Variants in ADAMTS17 observed in about 807,000 individuals in gnomAD.
The protein encoded by ADAMTS17 is A disintegrin and metalloproteinase with thrombospondin motifs 17.
A neutral mutation model predicts 141.5 loss-of-function variants in ADAMTS17; 113 were observed. That is an observed-to-expected ratio of 0.80 (90% CI 0.69 to 0.93). The LOEUF is 0.93. Ranked by LOEUF, ADAMTS17 falls within the 40% of genes least tolerant of loss-of-function variation. The pLI is 0.00. For missense variants in ADAMTS17, 1,659 were observed against 1,517.9 expected (o/e 1.09, Z -1.54); for synonymous variants, 768 against 630.6 (o/e 1.22, Z -3.27).
intron 8 of ADAMTS17, among the ~76,000 whole-genome samples, chr15:100,166,974 G>A (rs2039974358): frequency 1.3e-5 from 2 of 152,244 alleles, no homozygotes; most frequent in Admixed American, 6.5e-5. Context: ...CTAGGCCAGT[G>A]CTGTTCAATA....
At chr15:100,340,874 G>T (rs897194017) in intron 2 of ADAMTS17, 165 bp downstream of exon 2, 3 of 1,127,614 alleles carry the variant, frequency 2.7e-6, no homozygotes, top group African/African-American at 1.6e-5. Flanking sequence ...AGAGGGTACC[G>T]AAGGCCGGGG....
At chr15:100,207,974 C>G (rs187025040) in intron 7 of ADAMTS17, among the ~76,000 whole-genome samples, 2 of 152,276 alleles carry the variant, frequency 1.3e-5, no homozygotes, top group Admixed American at 1.3e-4. Flanking sequence ...TTAAAAGACT[C>G]TTATAAAAGT....
chr15:100,340,920 C>T (rs2046344394), intron 2 of ADAMTS17, 119 bp downstream of exon 2: 6 of 1,442,786 alleles, frequency 4.2e-6, no homozygotes, highest in Non-Finnish European at 3.7e-6. Flanking sequence ...CAGGGGGTTC[C>T]CTCCGGTTCC....
rs1311741008 is a variant in ADAMTS17 at position 100,054,038 on chromosome 15, AC to A, written c.2153del (p.Gly718ValfsTer11). 1.2e-6 allele frequency: 2 copies of A among 1,613,994 alleles called. No homozygotes were observed. The highest frequency in any genetic ancestry group is 1.3e-5 in the African/African-American group (1 of 74,904). Reference protein sequence around the residue: ...HARGTALKDSGKGSINSDWKI... With the variant: ...HARGTALKDSXKGSINSDWKI... ...TCCAGTCACTGTTGATGGACCCCTT[AC>A]CCGAGTCTTTGAGAGCTAGAAAGCA... On this transcript the variant is annotated frameshift_variant, in exon 16 of 22. Coordinates refer to ENST00000268070, the MANE Select transcript of ADAMTS17 (RefSeq NM_139057.4). LOFTEE classifies it high-confidence loss of function.
At chr15:100,265,243 T>G (rs1463226432) in intron 4 of ADAMTS17, among the ~76,000 whole-genome samples, 1 of 152,112 alleles carries the variant, frequency 6.6e-6, no homozygotes, top group East Asian at 1.9e-4. Flanking sequence ...GCGAGCCAGG[T>G]GACAATCCGA....
At chr15:100,263,933 A>G (rs1567452463) in intron 4 of ADAMTS17, among the ~76,000 whole-genome samples, 1 of 152,226 alleles carries the variant, frequency 6.6e-6, no homozygotes, top group Non-Finnish European at 1.5e-5. Context: ...GAGCCGCTCA[A>G]CACGGCTGCA....
intron 3 of ADAMTS17, among the ~76,000 whole-genome samples, chr15:100,296,606 T>C (rs1425737395): frequency 6.6e-6 from 1 of 151,348 alleles, no homozygotes; most frequent in Non-Finnish European, 1.5e-5. Flanking sequence ...TGTGTGTGTA[T>C]GTGTGTGTGT....
At chr15:100,254,592 G>T (rs930717590) in intron 6 of ADAMTS17, among the ~76,000 whole-genome samples, 3 of 152,160 alleles carry the variant, frequency 2.0e-5, no homozygotes, top group African/African-American at 7.2e-5. Context: ...ATGCTGTAAT[G>T]ACCATGTATT....
Position 99,974,142 on chromosome 15 carries a change from G to A in ADAMTS17, c.*260C>T, listed in dbSNP as rs747343009. 139 of 537,382 alleles carry A rather than the reference G, an allele frequency of 2.6e-4. No individual in the cohort carries two copies. Among genetic ancestry groups the A allele is most frequent in the Non-Finnish European group, 3.5e-4 (104 of 297,492 alleles). The allele number at this position is 537,382 out of a possible 1,614,324, so 33.3% of individuals were successfully genotyped here. A position where few individuals can be genotyped will look rare whatever the true frequency, so the allele number is the denominator to read the frequency against. On this transcript the variant is annotated 3_prime_UTR_variant, in exon 22 of 22. Coordinates refer to ENST00000268070, the MANE Select transcript of ADAMTS17 (RefSeq NM_139057.4). ...TTGTCTGCCAGAGGTGCTTCCCTTC[G>A]AGGTACCTGAAATCCTAGAAATTGA...
At chr15:100,113,760 G>T (rs1233860852) in intron 13 of ADAMTS17, among the ~76,000 whole-genome samples, 5 of 152,206 alleles carry the variant, frequency 3.3e-5, no homozygotes, top group Non-Finnish European at 7.3e-5. Flanking sequence ...AGCTGGCTTG[G>T]CGGAGCTGTC....
chr15:99,979,204 C>T (rs1170492565), intron 20 of ADAMTS17: 1 of 152,114 alleles, frequency 6.6e-6, no homozygotes, highest in African/African-American at 2.4e-5. Flanking sequence ...GCCTGGCCAA[C>T]ATAGTGAAAC....
chr15:100,062,200 T>C lies in ADAMTS17; in HGVS notation c.2138-8146A>G, dbSNP rs549702598. 1.4e-4 allele frequency among the ~76,000 whole-genome samples: 21 copies of C among 152,240 alleles called. No homozygotes were observed. The East Asian group carries it at 3.3e-3, about 24-fold the overall frequency. On this transcript the variant is annotated intron_variant, in intron 15 of 21. Coordinates refer to ENST00000268070, the MANE Select transcript of ADAMTS17 (RefSeq NM_139057.4). ...GGGAGGTGAAAAACCATGGGGCTGA[T>C]GAAAATGCACATGGATGTCAACTCC... is the stretch of plus-strand genomic sequence containing the variant.
At chr15:100,240,607 C>T (rs558243411) in intron 7 of ADAMTS17, among the ~76,000 whole-genome samples, 42 of 152,180 alleles carry the variant, frequency 2.8e-4, no homozygotes, top group Non-Finnish European at 5.1e-4. Context: ...ATGACAAACT[C>T]AAGTAATGAG....
At chr15:100,135,065 C>A (rs144194389) in intron 10 of ADAMTS17, among the ~76,000 whole-genome samples, 248 of 152,078 alleles carry the variant, frequency 1.6e-3, no homozygotes, top group African/African-American at 5.7e-3. Flanking sequence ...GGGACAGGAG[C>A]GGTTGGGATT....
chr15:100,063,183 A>G (rs905063609), intron 15 of ADAMTS17, among the ~76,000 whole-genome samples: 1 of 152,160 alleles, frequency 6.6e-6, no homozygotes, highest in African/African-American at 2.4e-5. Context: ...GGCCACTAGG[A>G]ATTTGGGATA....
intron 7 of ADAMTS17, among the ~76,000 whole-genome samples, chr15:100,201,532 C>G (rs1034408547): frequency 6.6e-6 from 1 of 152,208 alleles, no homozygotes; most frequent in Admixed American, 6.5e-5. Flanking sequence ...CTTCCTCATC[C>G]GCTCCAAAAG....
intron 4 of ADAMTS17, among the ~76,000 whole-genome samples, chr15:100,263,076 G>A (rs994815422): frequency 8.5e-5 from 13 of 152,130 alleles, no homozygotes; most frequent in African/African-American, 1.9e-4. Flanking sequence ...AAAAAACCAC[G>A]CATACGAAAG....
At chr15:100,233,126 C>G (rs1268385155) in intron 7 of ADAMTS17, among the ~76,000 whole-genome samples, 2 of 152,232 alleles carry the variant, frequency 1.3e-5, no homozygotes, top group South Asian at 2.1e-4. Context: ...GTCAGGAGCT[C>G]CAGACTAGTC....
rs758118412 is a variant in ADAMTS17 at position 100,096,458 on chromosome 15, T to C, written c.2035A>G (p.Ile679Val). Reference sequence around the variant, plus strand: ...TCCTCTTTGGCTGCAGACCCGATGATGCCGTCACAGCCGATTTTCTAAAGA... The same window carrying C: ...TCCTCTTTGGCTGCAGACCCGATGACGCCGTCACAGCCGATTTTCTAAAGA... The part of the protein sequence containing the change: ...GKCQKIGCDG[I>V]IGSAAKEDRC... The change falls in exon 15 of 22, where the codon ATC becomes GTC. Residue 679 changes from isoleucine to valine, a missense_variant. Transcript: ENST00000268070. 6.2e-7 allele frequency: 1 copy of C among 1,614,166 alleles called. No homozygotes were observed. Among genetic ancestry groups the C allele is most frequent in the Non-Finnish European group, 8.5e-7 (1 of 1,180,040 alleles).
Sources: allele counts gnomAD v4.1 joint callset (sites outside exome capture counted in the v4.1 genomes callset), GRCh38; gene constraint gnomAD v4.1.1; transcripts MANE v1.5; gene names NCBI Gene and HGNC (gene_info 2026-07-23, HGNC 2026-07-21).